SH3GL1: variants seen among roughly 807,000 people sequenced by gnomAD.
SH3GL1 encodes endophilin-A2.
Under a neutral mutation model 48.8 loss-of-function variants are expected in SH3GL1, and 21 were observed. That is an observed-to-expected ratio of 0.43 (90% CI 0.30 to 0.62). SH3GL1 has a LOEUF of 0.62. Ranked by LOEUF, SH3GL1 falls within the 20% of genes least tolerant of loss-of-function variation. The pLI, the probability that SH3GL1 is intolerant of heterozygous loss-of-function variation, is 0.11. For synonymous variants in SH3GL1, 282 were observed against 217.5 expected (o/e 1.30, Z -2.61); for missense variants, 454 against 503.0 (o/e 0.90, Z 0.93).
chr19:4,396,853 C>G (rs1973434992), intron 1 of SH3GL1, among the ~76,000 whole-genome samples: 1 of 152,160 alleles, frequency 6.6e-6, no homozygotes, highest in African/African-American at 2.4e-5. Flanking sequence ...TTGTCAATGT[C>G]CCCTGGAGGA....
At chr19:4,383,011 C>T (rs531076364) in intron 1 of SH3GL1, among the ~76,000 whole-genome samples, 8 of 152,268 alleles carry the variant, frequency 5.3e-5, no homozygotes, top group African/African-American at 1.4e-4. Context: ...CTCTGCCTCC[C>T]GGGTTCAAGT....
chr19:4,382,363 T>G (rs189193084), intron 1 of SH3GL1, among the ~76,000 whole-genome samples: 3,115 of 147,274 alleles, frequency 0.021, 114 homozygotes, highest in African/African-American at 0.073. Context: ...GTTCACGCCA[T>G]TCTCCTGCCT....
rs371531393 is a variant in SH3GL1 at position 4,382,701 on chromosome 19, G to A, written c.46-15707C>T. ...TAAGGGAACAGTCACAGTTCCAGGG[G>A]TGGAGGTGAGGGGCAGCCGTGGCGG... On this transcript the variant is annotated intron_variant, in intron 1 of 9. Coordinates refer to ENST00000269886, the MANE Select transcript of SH3GL1 (RefSeq NM_003025.4). Among the ~76,000 whole-genome samples, 10 of 152,300 alleles carry A rather than the reference G, an allele frequency of 6.6e-5. No homozygotes were observed. The East Asian group carries it at 9.6e-4, about 15-fold the overall frequency.
intron 1 of SH3GL1, among the ~76,000 whole-genome samples, chr19:4,397,721 G>A (rs1295906495): frequency 1.3e-5 from 2 of 152,096 alleles, no homozygotes; most frequent in African/African-American, 4.8e-5. Flanking sequence ...AAGGGGGTGG[G>A]ACTGTTCTCA....
chr19:4,381,602 C>CGTCTCCCCTGCCTCT (rs1292341237), intron 1 of SH3GL1, among the ~76,000 whole-genome samples: 1 of 60,462 alleles, frequency 1.7e-5, no homozygotes, highest in African/African-American at 5.8e-5. Flanking sequence ...ACCCTGCCTC[C>CGTCTCCCCTGCCTCT]GTCTCCCCTG....
chr19:4,382,321 G>A (rs1201029913), intron 1 of SH3GL1, among the ~76,000 whole-genome samples: 7 of 140,806 alleles, frequency 5.0e-5, no homozygotes, highest in African/African-American at 1.3e-4. Flanking sequence ...GCAGTGGCGC[G>A]ATCTCGGCTC....
chr19:4,369,727 C>G (rs765138224), intron 1 of SH3GL1, among the ~76,000 whole-genome samples: 13 of 152,250 alleles, frequency 8.5e-5, no homozygotes, highest in Non-Finnish European at 1.6e-4. Flanking sequence ...CCTGACTCCT[C>G]GCACCCCTGA....
chr19:4,360,484 C>T lies in SH3GL1; in HGVS notation c.*1116G>A, dbSNP rs746232506. ...CTCTGCGCCCCTCATGTACTTCTGA[C>T]GAGGGGGGTGCAGGGCAGGGCAGAG... On this transcript the variant is annotated 3_prime_UTR_variant, in exon 10 of 10. Coordinates refer to ENST00000269886, the MANE Select transcript of SH3GL1 (RefSeq NM_003025.4). 4 of 233,560 alleles carry T rather than the reference C, an allele frequency of 1.7e-5. No homozygotes were observed. Among genetic ancestry groups the T allele is most frequent in the South Asian group, 1.8e-4 (1 of 5,658 alleles). The allele number at this position is 233,560 out of a possible 1,614,324, so 14.5% of individuals were successfully genotyped here. A position where few individuals can be genotyped will look rare whatever the true frequency, so the allele number is the denominator to read the frequency against.
chr19:4,385,504 T>C (rs780552573), intron 1 of SH3GL1, among the ~76,000 whole-genome samples: 2 of 152,180 alleles, frequency 1.3e-5, no homozygotes, highest in African/African-American at 2.4e-5. Context: ...AGAAACGTGA[T>C]TGCAGCAGGC....
At chr19:4,364,312 C>T in intron 4 of SH3GL1, 91 bp from the exon 5 acceptor site, 2 of 1,542,434 alleles carry the variant, frequency 1.3e-6, no homozygotes, top group Admixed American at 1.7e-5. Context: ...AATAGCGTTT[C>T]ACAGGCTGGA....
chr19:4,364,422 C>A, intron 4 of SH3GL1: 1 of 610,778 alleles, frequency 1.6e-6, no homozygotes, highest in African/African-American at 1.8e-5. Flanking sequence ...GGCGTTCACC[C>A]CCACACCTGG....
intron 1 of SH3GL1, among the ~76,000 whole-genome samples, chr19:4,368,542 C>T (rs894970086): frequency 1.7e-4 from 26 of 152,228 alleles, no homozygotes; most frequent in Admixed American, 1.4e-3. Context: ...AAAAAGACAC[C>T]AGCCCCTTTG....
At chr19:4,388,316 G>A (rs1259400093) in intron 1 of SH3GL1, among the ~76,000 whole-genome samples, 1 of 152,226 alleles carries the variant, frequency 6.6e-6, no homozygotes, top group Non-Finnish European at 1.5e-5. Flanking sequence ...TGTCATTTCA[G>A]GGCATCACCG....
chr19:4,363,129 G>T (rs1029503515), intron 7 of SH3GL1, among the ~76,000 whole-genome samples: 3 of 152,184 alleles, frequency 2.0e-5, no homozygotes, highest in African/African-American at 7.2e-5. Context: ...GCAGCAACGT[G>T]CAGCCAGGGA....
At chr19:4,382,924 A>AT in intron 1 of SH3GL1, among the ~76,000 whole-genome samples, 1 of 151,920 alleles carries the variant, frequency 6.6e-6, no homozygotes, top group African/African-American at 2.4e-5. Flanking sequence ...TGTGTATTTC[A>AT]TTTTTTCTTT....
chr19:4,365,191 C>T (rs533798944), intron 4 of SH3GL1, among the ~76,000 whole-genome samples: 151 of 152,224 alleles, frequency 9.9e-4, no homozygotes, highest in African/African-American at 3.4e-3. Context: ...CTAAAAGGGC[C>T]TAGGTTTGCC....
At chr19:4,365,661 G>A (rs752162036) in intron 3 of SH3GL1, 36 bp from the exon 4 acceptor site, 4 of 1,611,656 alleles carry the variant, frequency 2.5e-6, no homozygotes, top group Non-Finnish European at 3.4e-6. Context: ...TGGGCTGTGA[G>A]GCCTGCACTC....
At chr19:4,362,444 T>C (rs1000165276) in intron 8 of SH3GL1, 59 bp from the exon 9 acceptor site, 1 of 1,580,588 alleles carries the variant, frequency 6.3e-7, no homozygotes, top group Admixed American at 1.8e-5. Context: ...GGGCCCCTTC[T>C]GCAGAAGGCT....
At chr19:4,381,339 C>T (rs1339454948) in intron 1 of SH3GL1, among the ~76,000 whole-genome samples, 1 of 132,620 alleles carries the variant, frequency 7.5e-6, no homozygotes, top group Non-Finnish European at 1.6e-5. Flanking sequence ...CTCTCTGTCC[C>T]CTCTGCCTCT....
Sources: gnomAD v4.1 joint callset for allele counts (sites outside exome capture counted in the v4.1 genomes callset) on GRCh38, gnomAD v4.1.1 for gene constraint, MANE v1.5 for transcripts, NCBI Gene and HGNC (gene_info 2026-07-23, HGNC 2026-07-21) for gene names.